Variants in KIF20B observed in about 807,000 individuals in gnomAD.
The protein encoded by KIF20B is kinesin family member 20B, also known as kinesin-like protein KIF20B.
A neutral mutation model predicts 232.5 loss-of-function variants in KIF20B; 188 were observed. The observed-to-expected ratio is 0.81, with a 90% CI of 0.72 to 0.91. The LOEUF is 0.91. Among genes scored for constraint, KIF20B ranks in the 40% least tolerant of loss-of-function variants. KIF20B has a pLI of 0.00. For synonymous variants in KIF20B, 712 were observed against 683.0 expected (o/e 1.04, Z -0.66); for missense variants, 2,154 against 2,055.9 (o/e 1.05, Z -0.92).
rs373615206 is a variant in KIF20B at position 89,729,200 on chromosome 10, G to A, written c.2344G>A (p.Glu782Lys). The part of the protein sequence containing the change: ...IIDQKEDTIN[E>K]FQNLKSHMEN... ...TGATCAAAAAGAAGATACTATCAAC[G>A]AATTTCAGAACCTAAAGTCTCATAT... The change falls in exon 18 of 33, where the codon GAA becomes AAA. Residue 782 changes from glutamate to lysine, a missense_variant. By Grantham distance (56) the Glu-to-Lys change is moderately conservative. Transcript: ENST00000371728. 23 of 1,489,614 alleles carry A rather than the reference G, an allele frequency of 1.5e-5. No homozygotes were observed. Among genetic ancestry groups the A allele is most frequent in the African/African-American group, 1.4e-4 (10 of 69,866 alleles). The allele number at this position is 1,489,614 out of a possible 1,614,324, so 92.3% of individuals were successfully genotyped here.
In KIF20B at chr10:89,732,917, ATCT is replaced by A. The variant is rs756490948; in HGVS notation, c.2411_2413del (p.Ser804del). Reference sequence around the variant, plus strand: ...TTTTGCTTTAGGACAAGGCTGATACATCTTCTTTAATAATAAACAATAAATTGA... The same window carrying A: ...TTTTGCTTTAGGACAAGGCTGATACATCTTTAATAATAAACAATAAATTGA... On this transcript the variant is annotated inframe_deletion, in exon 19 of 33. Transcript: ENST00000371728. 173 of 1,599,026 alleles carry A rather than the reference ATCT, an allele frequency of 1.1e-4. No homozygotes were observed. The highest frequency in any genetic ancestry group is 1.1e-4 in the Non-Finnish European group (128 of 1,172,090).
At chr10:89,720,349 T>G (rs1282855971) in intron 13 of KIF20B, among the ~76,000 whole-genome samples, 1 of 152,252 alleles carries the variant, frequency 6.6e-6, no homozygotes, top group Non-Finnish European at 1.5e-5. Flanking sequence ...TAGGTTAAGT[T>G]GTAAATTTTC....
Position 89,725,124 on chromosome 10 carries a change from C to T in KIF20B, c.1967C>T (p.Ala656Val), listed in dbSNP as rs145716217. 126 of 1,613,456 alleles carry T rather than the reference C, an allele frequency of 7.8e-5. No homozygotes were observed. In the African/African-American group the frequency reaches 1.4e-3, roughly 18 times the overall value. The change falls in exon 15 of 33, where the codon GCG (alanine) becomes GTG (valine). Residue 656 changes from alanine to valine, a missense_variant. Transcript: ENST00000371728. ...AAATGTGACACTCGAGAAGAAGCAG[C>T]GAAAGACATTTGTGCCACAAAAGTT... Reference protein sequence around the residue: ...VGKCDTREEAAKDICATKVET... With the variant: ...VGKCDTREEAVKDICATKVET...
chr10:89,774,738 T>C lies in KIF20B; in HGVS notation c.*690T>C, dbSNP rs1842534588. The C allele has an allele frequency of 6.6e-6, 1 of 152,000 alleles. No individual in the cohort carries two copies. The highest frequency in any genetic ancestry group is 1.5e-5 in the Non-Finnish European group (1 of 67,942). The allele number at this position is 152,000 out of a possible 1,614,324, so 9.4% of individuals were successfully genotyped here. On this transcript the variant is annotated 3_prime_UTR_variant, in exon 33 of 33. Transcript: ENST00000371728. The stretch of plus-strand genomic sequence containing the variant: ...AAATATACAAGTAAGTTATTATTGA[T>C]TATAGTCACTCTATTGTGCTATCAG...
intron 28 of KIF20B, among the ~76,000 whole-genome samples, chr10:89,762,107 G>T (rs771597324): frequency 6.6e-6 from 1 of 152,146 alleles, no homozygotes; most frequent in Non-Finnish European, 1.5e-5. Flanking sequence ...TTGAGGGTGA[G>T]TGTCCTGAAA....
Position 89,719,477 on chromosome 10 carries a change from C to A in KIF20B, c.1493C>A (p.Ser498Tyr). Reference protein sequence around the residue: ...SQEKLFGPVKSSQDVSLDSNS... With the variant: ...SQEKLFGPVKYSQDVSLDSNS... ...GAGAAATTATTTGGACCTGTCAAAT[C>A]TTCTCAAGATGTATCACTAGACAGT... The change falls in exon 13 of 33, where the codon TCT (serine) becomes TAT (tyrosine). Residue 498 changes from serine (S) to tyrosine (Y), a missense_variant. Transcript: ENST00000371728. 6.2e-7 allele frequency: 1 copy of A among 1,604,816 alleles called. No individual in the cohort carries two copies. Among genetic ancestry groups the A allele is most frequent in the South Asian group, 1.1e-5 (1 of 89,584 alleles).
At chr10:89,736,021 G>A (rs1841644307) in intron 19 of KIF20B, among the ~76,000 whole-genome samples, 1 of 152,154 alleles carries the variant, frequency 6.6e-6, no homozygotes. Flanking sequence ...AACAGAAATG[G>A]TCAGTGAGGG....
At chr10:89,703,433 C>T (rs1318999648) in intron 1 of KIF20B, among the ~76,000 whole-genome samples, 1 of 152,080 alleles carries the variant, frequency 6.6e-6, no homozygotes, top group Non-Finnish European at 1.5e-5. Flanking sequence ...CTTTTCTAGA[C>T]CAGGGTGAGG....
chr10:89,726,285 A>G lies in KIF20B; in HGVS notation c.2002-8A>G, dbSNP rs1046924510. 2.0e-5 allele frequency: 31 copies of G among 1,540,918 alleles called. No homozygotes were observed. The highest frequency in any genetic ancestry group is 4.1e-5 in the African/African-American group (3 of 72,638). On this transcript the variant is annotated splice_region_variant and splice_polypyrimidine_tract_variant and intron_variant, in intron 15 of 32. Coordinates refer to ENST00000371728, the MANE Select transcript of KIF20B (RefSeq NM_001284259.2). Reference sequence around the variant, plus strand: ...TAATATTAGGCATGTGGTTTTTGCTATTTTTAGGAAACACATAATTATGTA... The same window carrying G: ...TAATATTAGGCATGTGGTTTTTGCTGTTTTTAGGAAACACATAATTATGTA...
chr10:89,769,182 G>T (rs759210851), intron 31 of KIF20B, among the ~76,000 whole-genome samples: 9 of 152,016 alleles, frequency 5.9e-5, no homozygotes, highest in Admixed American at 2.0e-4. Context: ...GAGCTACTCT[G>T]ATTAGGGGGC....
intron 31 of KIF20B, among the ~76,000 whole-genome samples, chr10:89,771,139 A>T (rs1393324991): frequency 6.6e-6 from 1 of 151,998 alleles, no homozygotes; most frequent in Non-Finnish European, 1.5e-5. Flanking sequence ...GAGCCCTCAT[A>T]GCTGATGGAA....
Position 89,725,093 on chromosome 10 carries a change from G to A in KIF20B, c.1936G>A (p.Val646Ile). The stretch of plus-strand genomic sequence containing the variant: ...TCGTTTGGCTATCTTCAAGGATTTG[G>A]TTGGTAAATGTGACACTCGAGAAGA... ...ERRLAIFKDLVGKCDTREEAA... is the reference protein window; with the variant it reads ...ERRLAIFKDLIGKCDTREEAA... Residue 646 changes from valine (V) to isoleucine (I), a missense_variant, in exon 15 of 33, where the codon GTT becomes ATT. By Grantham distance (29) the Val-to-Ile change is conservative (BLOSUM62 3). Transcript: ENST00000371728. The A allele has an allele frequency of 6.2e-7, 1 of 1,613,962 alleles. No individual in the cohort carries two copies. Among genetic ancestry groups the A allele is most frequent in the East Asian group, 2.2e-5 (1 of 44,866 alleles).
At chr10:89,764,534 T>A (rs1842313237) in intron 29 of KIF20B, among the ~76,000 whole-genome samples, 1 of 152,186 alleles carries the variant, frequency 6.6e-6, no homozygotes, top group Non-Finnish European at 1.5e-5. Flanking sequence ...TGTTCCTATT[T>A]CTCCACATCC....
chr10:89,757,040 G>GTGTATATA (rs1301847520), intron 26 of KIF20B, among the ~76,000 whole-genome samples: 7,371 of 110,080 alleles, frequency 0.067, 347 homozygotes, highest in East Asian at 0.097. Flanking sequence ...GTGTGTGTGT[G>GTGTATATA]TATATATATA....
Position 89,716,985 on chromosome 10 carries a change from G to A in KIF20B, c.1052+438G>A, listed in dbSNP as rs548406683. The stretch of plus-strand genomic sequence containing the variant: ...TTTAAGCAGTGAGATAATTAAAGCA[G>A]GCTTTTTCTTAGAGAAGGAGCCCTG... On this transcript the variant is annotated intron_variant, in intron 9 of 32. Transcript: ENST00000371728. Among the ~76,000 whole-genome samples, 3 of 152,254 alleles carry A rather than the reference G, an allele frequency of 2.0e-5. No individual in the cohort carries two copies. The South Asian group carries it at 6.2e-4, about 32-fold the overall frequency.
intron 18 of KIF20B, among the ~76,000 whole-genome samples, chr10:89,730,305 G>A (rs1010070517): frequency 1.4e-4 from 22 of 152,180 alleles, no homozygotes; most frequent in Non-Finnish European, 2.4e-4. Flanking sequence ...AGGTGGAGGA[G>A]CAAGAAACAC....
intron 14 of KIF20B, among the ~76,000 whole-genome samples, chr10:89,724,454 G>C (rs10881638): frequency 0.31 from 47,357 of 151,888 alleles, 8,358 homozygotes; most frequent in African/African-American, 0.47. Flanking sequence ...TCTTGAACCT[G>C]GGAGGTGTAG....
Position 89,715,281 on chromosome 10 carries a change from A to T in KIF20B, c.940+99A>T, listed in dbSNP as rs1340171728. The T allele has an allele frequency of 1.1e-5, 8 of 720,884 alleles. No individual in the cohort carries two copies. The East Asian group carries it at 2.3e-4, about 20-fold the overall frequency. 44.7% of individuals were successfully genotyped at this position (720,884 alleles called of 1,614,324 possible). A position where few individuals can be genotyped will look rare whatever the true frequency, so the allele number is the denominator to read the frequency against. On this transcript the variant is annotated intron_variant, in intron 8 of 32. Coordinates refer to ENST00000371728, the MANE Select transcript of KIF20B (RefSeq NM_001284259.2). ...AACAAATAGAAAATTGAAAATTGTAATGCTAATTATTAACATTAAGAGAAG... is the reference window on the plus strand; with the variant it reads ...AACAAATAGAAAATTGAAAATTGTATTGCTAATTATTAACATTAAGAGAAG...
At chr10:89,757,460 A>G (rs1842153861) in intron 26 of KIF20B, among the ~76,000 whole-genome samples, 1 of 151,922 alleles carries the variant, frequency 6.6e-6, no homozygotes, top group African/African-American at 2.4e-5. Context: ...TTTTATGAGT[A>G]GGAGTTCTCA....
Sources: allele counts gnomAD v4.1 joint callset (sites outside exome capture counted in the v4.1 genomes callset), GRCh38; gene constraint gnomAD v4.1.1; transcripts MANE v1.5; gene names NCBI Gene and HGNC (gene_info 2026-07-23, HGNC 2026-07-21).